The following GLT1D1 variants were observed in gnomAD, a reference collection of about 807,000 sequenced individuals.
GLT1D1 encodes glycosyltransferase 1 domain containing 1, also known as glycosyltransferase 1 domain-containing protein 1.
In GLT1D1, 21 loss-of-function variants were observed where a neutral mutation model predicts 28.7. The observed-to-expected ratio is 0.73, with a 90% confidence interval of 0.52 to 1.05. GLT1D1 has a LOEUF of 1.05. Ranked by LOEUF, GLT1D1 falls within the 50% of genes least tolerant of loss-of-function variation. The pLI, the probability that GLT1D1 is intolerant of heterozygous loss-of-function variation, is 0.00. For missense variants in GLT1D1, 343 were observed against 330.6 expected, an observed-to-expected ratio of 1.04 and a Z score of -0.29; for synonymous variants, 147 against 124.8, an observed-to-expected ratio of 1.18 and a Z score of -1.19.
intron 4 of GLT1D1, among the ~76,000 whole-genome samples, chr12:128,939,733 G>C (rs969910436): frequency 1.3e-5 from 2 of 152,018 alleles, no homozygotes; most frequent in Non-Finnish European, 2.9e-5. Flanking sequence ...TCTGGGTCAG[G>C]AGGAAAAGCG....
intron 1 of GLT1D1, among the ~76,000 whole-genome samples, chr12:128,864,468 G>GT (rs1196344496): frequency 6.6e-6 from 1 of 152,178 alleles, no homozygotes; most frequent in Non-Finnish European, 1.5e-5. Flanking sequence ...CAAAGGGGCA[G>GT]TGAGGGTTGG....
chr12:128,984,589 C>T lies in GLT1D1; in HGVS notation c.*1499C>T, dbSNP rs1880617466. 2.0e-5 allele frequency: 3 copies of T among 152,132 alleles called. No individual in the cohort carries two copies. The highest frequency in any genetic ancestry group is 2.0e-4 in the Admixed American group (3 of 15,266). The allele number at this position is 152,132 out of a possible 1,614,324, so 9.4% of individuals were successfully genotyped here. On this transcript the variant is annotated 3_prime_UTR_variant, in exon 8 of 8. Transcript: ENST00000281703. ...CCCATCGCCGCCCCCCCACCCCTCGCACCCCTTGTGTTTTCCCTCTGAGGG... is the reference window on the plus strand; with the variant it reads ...CCCATCGCCGCCCCCCCACCCCTCGTACCCCTTGTGTTTTCCCTCTGAGGG...
At chr12:128,930,998 CTT>C (rs1237645570) in intron 4 of GLT1D1, among the ~76,000 whole-genome samples, 38 of 145,496 alleles carry the variant, frequency 2.6e-4, no homozygotes, top group African/African-American at 7.8e-4. Flanking sequence ...TTCTACCACC[CTT>C]TTTTTTTTTT....
chr12:128,970,143 T>C (rs1195176527), intron 7 of GLT1D1, among the ~76,000 whole-genome samples: 1 of 152,166 alleles, frequency 6.6e-6, no homozygotes, highest in Non-Finnish European at 1.5e-5. Context: ...TGGTGACATG[T>C]TGGCACTGGT....
At chr12:128,887,654 T>G (rs542247923) in intron 2 of GLT1D1, among the ~76,000 whole-genome samples, 1 of 152,264 alleles carries the variant, frequency 6.6e-6, no homozygotes, top group Admixed American at 6.5e-5. Context: ...GCTGAATTCA[T>G]AGCAGTGGAA....
intron 1 of GLT1D1, among the ~76,000 whole-genome samples, chr12:128,854,807 T>C (rs575924294): frequency 1.3e-5 from 2 of 152,242 alleles, no homozygotes; most frequent in Admixed American, 1.3e-4. Flanking sequence ...TCCTCATCAT[T>C]AAAATGAGCA....
chr12:128,861,696 T>G (rs1956378019), intron 1 of GLT1D1, among the ~76,000 whole-genome samples: 1 of 152,102 alleles, frequency 6.6e-6, no homozygotes, highest in Non-Finnish European at 1.5e-5. Flanking sequence ...GGGAAGCATT[T>G]TAGATAATGG....
At chr12:128,938,824 C>A (rs1471840301) in intron 4 of GLT1D1, among the ~76,000 whole-genome samples, 1 of 152,186 alleles carries the variant, frequency 6.6e-6, no homozygotes. Context: ...TTTTGTGTTA[C>A]ACTTGCATAT....
At chr12:128,975,990 G>A (rs1423673656) in intron 7 of GLT1D1, among the ~76,000 whole-genome samples, 1 of 152,182 alleles carries the variant, frequency 6.6e-6, no homozygotes, top group Admixed American at 6.5e-5. Context: ...CAGTCGGGGT[G>A]ATGACATGGT....
chr12:128,945,685 G>A (rs1177511456), intron 5 of GLT1D1, among the ~76,000 whole-genome samples: 2 of 152,336 alleles, frequency 1.3e-5, no homozygotes, highest in South Asian at 4.1e-4. Flanking sequence ...CAATTTGTTG[G>A]TGTGTTGGTT....
intron 4 of GLT1D1, among the ~76,000 whole-genome samples, chr12:128,909,858 G>A (rs1267883320): frequency 1.3e-5 from 2 of 152,378 alleles, no homozygotes; most frequent in East Asian, 3.9e-4. Flanking sequence ...GTTTGCCATT[G>A]TGTGCACTGA....
At chr12:128,947,303 G>A in intron 5 of GLT1D1, 35 bp from the exon 10 acceptor site, 5 of 1,612,794 alleles carry the variant, frequency 3.1e-6, no homozygotes, top group Non-Finnish European at 4.2e-6. Flanking sequence ...TGAGATTCTT[G>A]GAATCAGAGC....
At chr12:128,980,204 C>T (rs1344782269) in intron 7 of GLT1D1, among the ~76,000 whole-genome samples, 1 of 152,206 alleles carries the variant, frequency 6.6e-6, no homozygotes, top group Non-Finnish European at 1.5e-5. Context: ...AGTCCACCCA[C>T]ACTCACGTCA....
intron 4 of GLT1D1, among the ~76,000 whole-genome samples, chr12:128,918,103 A>G (rs985338199): frequency 2.0e-5 from 3 of 152,238 alleles, no homozygotes; most frequent in African/African-American, 7.2e-5. Context: ...TGTGGTACAT[A>G]GACACCGTGG....
Position 128,972,532 on chromosome 12 carries a change from G to A in GLT1D1, c.640-10397G>A, listed in dbSNP as rs954860675. On this transcript the variant is annotated intron_variant, in intron 7 of 7. Coordinates refer to ENST00000281703, the MANE Select transcript of GLT1D1 (RefSeq NM_144669.3). ...TCCTCCTTTCACCCCAAAGACTGAG[G>A]CTAACATGTTCTGGGAGGAAAAAAA... Among the ~76,000 whole-genome samples, 4 of 152,320 alleles carry A rather than the reference G, an allele frequency of 2.6e-5. No individual in the cohort carries two copies. In the East Asian group the frequency reaches 5.8e-4, roughly 22 times the overall value.
chr12:128,884,917 AT>A (rs35860101), intron 2 of GLT1D1, among the ~76,000 whole-genome samples: 3,336 of 136,172 alleles, frequency 0.024, 94 homozygotes, highest in African/African-American at 0.071. Context: ...AATTAGCTTG[AT>A]TTTTTTTTTT....
Position 128,951,075 on chromosome 12 carries a change from C to CTTTAG in GLT1D1, c.540+3618_540+3622dup, listed in dbSNP as rs367692837. On this transcript the variant is annotated intron_variant, in intron 6 of 7. Transcript: ENST00000281703. The stretch of plus-strand genomic sequence containing the variant: ...AGTAATGCATATGTTAATTAGCTTG[C>CTTTAG]TTTAGCCATCCCACGGGGTAGATGT... Among the ~76,000 whole-genome samples, 748 of 152,296 alleles carry CTTTAG rather than the reference C, an allele frequency of 4.9e-3. 4 individuals are homozygous for CTTTAG. The highest frequency in any genetic ancestry group is 0.017 in the African/African-American group (707 of 41,550).
intron 3 of GLT1D1, among the ~76,000 whole-genome samples, chr12:128,889,899 C>T (rs12298922): frequency 0.19 from 29,568 of 152,146 alleles, 3,430 homozygotes; most frequent in Admixed American, 0.27. Flanking sequence ...CTCAGGCTCC[C>T]GAGTAACTGG....
chr12:128,972,393 G>A (rs561263329), intron 7 of GLT1D1, among the ~76,000 whole-genome samples: 4 of 152,170 alleles, frequency 2.6e-5, no homozygotes, highest in African/African-American at 7.2e-5. Context: ...GGGAGCACAC[G>A]CCCCTCTCTG....
Sources: gnomAD v4.1 joint callset for allele counts (sites outside exome capture counted in the v4.1 genomes callset) on GRCh38, gnomAD v4.1.1 for gene constraint, MANE v1.5 for transcripts, NCBI Gene and HGNC (gene_info 2026-07-23, HGNC 2026-07-21) for gene names.